The following KRT7 variants were observed in gnomAD, a reference collection of about 807,000 sequenced individuals.
The protein encoded by KRT7 is keratin, type II cytoskeletal 7.
Under a neutral mutation model 42.8 loss-of-function variants are expected in KRT7, and 50 were observed. The ratio of observed to expected loss-of-function variants is 1.17; its 90% confidence interval spans 0.93 to 1.48. The LOEUF is 1.48. Ranked by LOEUF, KRT7 falls within the 40% of genes most tolerant of loss-of-function variation. The pLI is 0.00. For synonymous variants in KRT7, 268 were observed against 266.3 expected, an observed-to-expected ratio of 1.01 and a Z score of -0.06; for missense variants, 588 against 637.6, an observed-to-expected ratio of 0.92 and a Z score of 0.84.
rs1468446046 is a variant in KRT7, at chr12:52,248,677, T to G, written c.1327T>G (p.Phe443Val). ...GGTMGSNALS[F>V]SSSAGPGLLK... ...AACCATGGGCAGCAATGCCCTGAGCTTCTCCAGCAGTGCGGGTCCTGGGCT... is the reference window on the plus strand; with the variant it reads ...AACCATGGGCAGCAATGCCCTGAGCGTCTCCAGCAGTGCGGGTCCTGGGCT... Residue 443 changes from phenylalanine to valine, a missense_variant, in exon 9 of 9, where the codon TTC becomes GTC. Phe to Val is a conservative substitution (Grantham distance 50). Coordinates refer to ENST00000331817, the MANE Select transcript of KRT7 (RefSeq NM_005556.4). 1 of 1,613,370 alleles carries G rather than the reference T, an allele frequency of 6.2e-7. No homozygotes were observed. The highest frequency in any genetic ancestry group is 1.3e-5 in the African/African-American group (1 of 75,008).
At chr12:52,253,117 GTCC>G, downstream of KRT7, 1 of 1,160,498 alleles carries the variant, frequency 8.6e-7, no homozygotes, top group Non-Finnish European at 1.3e-6. Flanking sequence ...GTTTGCCCTT[GTCC>G]CCACACACTG....
At chr12:52,253,461 T>C (rs1592401794), downstream of KRT7, 3 of 1,536,580 alleles carry the variant, frequency 2.0e-6, no homozygotes, top group Non-Finnish European at 1.8e-6. Context: ...AGTCCTGCCC[T>C]GCTACCCCAA....
chr12:52,245,605 G>A lies in KRT7; in HGVS notation c.1178G>A (p.Arg393His), dbSNP rs144536885. ...CTGGACATCGAGATCGCCACCTACC[G>A]CAAGCTGCTGGAGGGCGAGGAGAGC... is the stretch of plus-strand genomic sequence containing the variant. ...LALDIEIATY[R>H]KLLEGEESRL... The change falls in exon 7 of 9, where the codon CGC (arginine) becomes CAC (histidine). Residue 393 changes from arginine (R) to histidine (H), a missense_variant. Physicochemically the swap from Arg to His is conservative, Grantham distance 29 (BLOSUM62 0). Coordinates refer to ENST00000331817, the MANE Select transcript of KRT7 (RefSeq NM_005556.4). The A allele has an allele frequency of 2.9e-5, 46 of 1,613,690 alleles. No homozygotes were observed. Among genetic ancestry groups the A allele is most frequent in the Admixed American group, 8.3e-5 (5 of 60,014 alleles).
chr12:52,250,278 G>T (rs1942243475), downstream of KRT7, among the ~76,000 whole-genome samples: 1 of 152,236 alleles, frequency 6.6e-6, no homozygotes, highest in Non-Finnish European at 1.5e-5. Context: ...TAGGAGCCCT[G>T]TGCTCTCGGA....
intron 5 of KRT7, 83 bp from the exon 6 acceptor site, chr12:52,242,929 A>AG: frequency 1.4e-6 from 2 of 1,444,426 alleles, no homozygotes; most frequent in Non-Finnish European, 1.9e-6. Context: ...ATAAGTTGGG[A>AG]GGGGCCTTGG....
intron 5 of KRT7, among the ~76,000 whole-genome samples, chr12:52,242,278 C>A (rs1007767185): frequency 1.3e-5 from 2 of 152,104 alleles, no homozygotes; most frequent in African/African-American, 4.8e-5. Flanking sequence ...CAGCCTATTA[C>A]CCCCATTTAA....
chr12:52,244,660 C>T lies in KRT7; in HGVS notation c.985-752C>T, dbSNP rs947932506. On this transcript the variant is annotated intron_variant, in intron 6 of 8. Coordinates refer to ENST00000331817, the MANE Select transcript of KRT7 (RefSeq NM_005556.4). Reference sequence around the variant, plus strand: ...CCCAGGGGACAGGGATGGTGGTTTTCTGAGCTAAACAAGATGAGGCCTGGG... The same window carrying T: ...CCCAGGGGACAGGGATGGTGGTTTTTTGAGCTAAACAAGATGAGGCCTGGG... 12 of 985,112 alleles carry T rather than the reference C, an allele frequency of 1.2e-5. No individual in the cohort carries two copies. In the Admixed American group the frequency reaches 6.1e-4, roughly 50 times the overall value. 61.0% of individuals were successfully genotyped at this position (985,112 alleles called of 1,614,324 possible). A position where few individuals can be genotyped will look rare whatever the true frequency, so the allele number is the denominator to read the frequency against.
At chr12:52,237,802 A>G in intron 3 of KRT7, 1 of 363,354 alleles carries the variant, frequency 2.8e-6, no homozygotes, top group Non-Finnish European at 5.0e-6. Context: ...TAGGGGTTAG[A>G]ACTAAGAGCA....
intron 7 of KRT7, among the ~76,000 whole-genome samples, chr12:52,246,629 C>T (rs1008530515): frequency 6.6e-6 from 1 of 152,136 alleles, no homozygotes; most frequent in African/African-American, 2.4e-5. Flanking sequence ...GAGGAAGGGG[C>T]TTTGCCCCTG....
intron 4 of KRT7, among the ~76,000 whole-genome samples, chr12:52,241,165 T>C (rs532663084): frequency 1.3e-5 from 2 of 152,248 alleles, no homozygotes; most frequent in South Asian, 4.1e-4. Flanking sequence ...TCCCTCACAA[T>C]AGAGCTCGTG....
intron 7 of KRT7, 172 bp downstream of exon 7, chr12:52,245,804 C>T (rs116864361): frequency 0.018 from 14,351 of 811,828 alleles, 197 homozygotes; most frequent in Non-Finnish European, 0.019. Flanking sequence ...AATGAGATGA[C>T]CTTCTAGAAG....
intron 7 of KRT7, chr12:52,245,861 C>G: frequency 3.4e-6 from 2 of 595,492 alleles, no homozygotes; most frequent in Non-Finnish European, 5.9e-6. Context: ...GAAATGATAA[C>G]AGTCCCTTTG....
Position 52,248,787 on chromosome 12 carries a change from A to G in KRT7, c.*27A>G. On this transcript the variant is annotated 3_prime_UTR_variant, in exon 9 of 9. Transcript: ENST00000331817. Reference sequence around the variant, plus strand: ...CCGCCTCCCACCACTCCACTCCTCCAGCCACCACCCACAATCACAAGAAGA... The same window carrying G: ...CCGCCTCCCACCACTCCACTCCTCCGGCCACCACCCACAATCACAAGAAGA... 3 of 1,504,682 alleles carry G rather than the reference A, an allele frequency of 2.0e-6. No homozygotes were observed. The highest frequency in any genetic ancestry group is 2.7e-6 in the Non-Finnish European group (3 of 1,128,978). 93.2% of individuals were successfully genotyped at this position (1,504,682 alleles called of 1,614,324 possible). A position where few individuals can be genotyped will look rare whatever the true frequency, so the allele number is the denominator to read the frequency against.
chr12:52,245,893 A>G (rs879776480), intron 7 of KRT7: 23 of 505,658 alleles, frequency 4.5e-5, no homozygotes, highest in Non-Finnish European at 7.7e-5. Flanking sequence ...TCTTAGGGTT[A>G]TCATATTTGA....
intron 1 of KRT7, 150 bp downstream of exon 1, chr12:52,233,770 C>G (rs1565715312): frequency 3.8e-6 from 3 of 785,876 alleles, no homozygotes; most frequent in Non-Finnish European, 6.4e-6. Flanking sequence ...ATCTGGGGGT[C>G]CTTCCTCCTT....
intron 7 of KRT7, 117 bp downstream of exon 7, chr12:52,245,749 T>C: frequency 1.5e-6 from 2 of 1,329,152 alleles, no homozygotes. Flanking sequence ...GCACTGGGTG[T>C]GGGGATGCAG....
At chr12:52,241,838 T>C (rs1942096945) in intron 5 of KRT7, 2 of 477,192 alleles carry the variant, frequency 4.2e-6, no homozygotes, top group Non-Finnish European at 3.7e-6. Flanking sequence ...GATTAATCAT[T>C]ATAATAGCTA....
downstream of KRT7, among the ~76,000 whole-genome samples, chr12:52,249,669 C>T (rs1042171489): frequency 6.6e-6 from 1 of 152,026 alleles, no homozygotes; most frequent in Admixed American, 6.6e-5. Flanking sequence ...AGGGCCTATG[C>T]ATGGGGAAAT....
chr12:52,253,579 G>A, downstream of KRT7: 1 of 1,596,308 alleles, frequency 6.3e-7, no homozygotes, highest in East Asian at 2.3e-5. Flanking sequence ...TGTCTAGCAG[G>A]CAGGTGTCCT....
Sources: allele counts gnomAD v4.1 joint callset (sites outside exome capture counted in the v4.1 genomes callset), GRCh38; gene constraint gnomAD v4.1.1; transcripts MANE v1.5; gene names NCBI Gene and HGNC (gene_info 2026-07-23, HGNC 2026-07-21).